The following SLC3A1 variants were observed in gnomAD, a reference collection of about 807,000 sequenced individuals.
The protein encoded by SLC3A1 is amino acid transporter heavy chain SLC3A1.
Under a neutral mutation model 60.3 loss-of-function variants are expected in SLC3A1, and 78 were observed. The observed-to-expected ratio is 1.29, with a 90% CI of 1.08 to 1.56. The LOEUF is 1.56. SLC3A1 is among the 40% of genes most tolerant of loss of function. SLC3A1 has a pLI of 0.00. For missense variants in SLC3A1, 1,172 were observed against 858.9 expected (o/e 1.36, Z -4.56); for synonymous variants, 392 against 307.9 (o/e 1.27, Z -2.86).
At chr2:44,315,451 C>A (rs1233456683) in intron 9 of SLC3A1, among the ~76,000 whole-genome samples, 1 of 150,636 alleles carries the variant, frequency 6.6e-6, no homozygotes, top group Non-Finnish European at 1.5e-5. Flanking sequence ...GAGTTTGAGA[C>A]CAGCCTAGGC....
intron 4 of SLC3A1, among the ~76,000 whole-genome samples, chr2:44,290,519 A>C (rs1671718621): frequency 6.6e-6 from 1 of 152,154 alleles, no homozygotes; most frequent in Non-Finnish European, 1.5e-5. Flanking sequence ...CACTCTGGGG[A>C]ACATAGCCAT....
chr2:44,300,060 T>C lies in SLC3A1; in HGVS notation c.981T>C (p.Asp327=). 1 of 1,612,568 alleles carries C rather than the reference T, an allele frequency of 6.2e-7. No homozygotes were observed. Among genetic ancestry groups the C allele is most frequent in the Non-Finnish European group, 8.5e-7 (1 of 1,178,576 alleles). Residue 327 remains aspartate (D), a synonymous_variant, in exon 5 of 10, where the codon GAT becomes GAC. Transcript: ENST00000260649. ...TCCTAGAAGCAAAGCACCTGAGAGA[T>C]GAGATCCAAGTAAATAAGACCCAAA... is the stretch of plus-strand genomic sequence containing the variant. ...KFLLEAKHLR[D]EIQVNKTQIP...
chr2:44,307,220 C>A (rs80149521), intron 7 of SLC3A1, among the ~76,000 whole-genome samples: 9,642 of 152,146 alleles, frequency 0.063, 783 homozygotes, highest in African/African-American at 0.19. Flanking sequence ...TCCATAAAGC[C>A]CATTTTGTTT....
chr2:44,285,448 T>C lies in SLC3A1; in HGVS notation c.766-584T>C, dbSNP rs1310912534. 3 of 324,266 alleles carry C rather than the reference T, an allele frequency of 9.3e-6. No individual in the cohort carries two copies. The Admixed American group carries it at 1.2e-4, about 13-fold the overall frequency. 20.1% of individuals were successfully genotyped at this position (324,266 alleles called of 1,614,324 possible). On this transcript the variant is annotated intron_variant, in intron 3 of 9. Transcript: ENST00000260649. ...AGATGTGGGAGGGCAGCCGGGAGAG[T>C]CATACCATGGGGCCATAAATGTGAG...
intron 4 of SLC3A1, among the ~76,000 whole-genome samples, chr2:44,298,900 C>T (rs1407282869): frequency 1.3e-5 from 2 of 152,100 alleles, no homozygotes; most frequent in African/African-American, 4.8e-5. Flanking sequence ...GTTTCTAGCA[C>T]ACACCTTTGG....
chr2:44,276,690 C>A (rs1242494293), intron 1 of SLC3A1, among the ~76,000 whole-genome samples: 1 of 151,406 alleles, frequency 6.6e-6, no homozygotes, highest in African/African-American at 2.4e-5. Flanking sequence ...CATAGGGAGA[C>A]CCCGTCTCCA....
At chr2:44,301,738 C>CAA (rs10657360) in intron 6 of SLC3A1, among the ~76,000 whole-genome samples, 56,158 of 92,960 alleles carry the variant, frequency 0.6, 16,490 homozygotes, top group Non-Finnish European at 0.65. Context: ...GACTCCATCA[C>CAA]AAAAAAAAAA....
chr2:44,298,769 C>T (rs185959970), intron 4 of SLC3A1, among the ~76,000 whole-genome samples: 1 of 152,284 alleles, frequency 6.6e-6, no homozygotes, highest in East Asian at 1.9e-4. Context: ...ATGATGCTCT[C>T]AGGAGCAGGT....
At chr2:44,312,914 C>T in intron 8 of SLC3A1, 161 bp downstream of exon 8, 1 of 633,922 alleles carries the variant, frequency 1.6e-6, no homozygotes, top group Non-Finnish European at 2.7e-6. Flanking sequence ...TCTCAGCTTT[C>T]TTGGTGGTCT....
chr2:44,317,973 T>G lies in SLC3A1; in HGVS notation c.1618-2226T>G, dbSNP rs7602693. 5.7e-3 allele frequency: 1,542 copies of G among 272,768 alleles called. 27 individuals carry two copies. Among genetic ancestry groups the G allele is most frequent in the African/African-American group, 0.033 (1,429 of 42,756 alleles). The allele number at this position is 272,768 out of a possible 1,614,324, so 16.9% of individuals were successfully genotyped here. Reference sequence around the variant, plus strand: ...ATATAGCAAGCAAATAATAGAAAGCTTGCAACCCAGCTATAGCTATAAACA... The same window carrying G: ...ATATAGCAAGCAAATAATAGAAAGCGTGCAACCCAGCTATAGCTATAAACA... On this transcript the variant is annotated intron_variant, in intron 9 of 9. Coordinates refer to ENST00000260649, the MANE Select transcript of SLC3A1 (RefSeq NM_000341.4).
rs563175159 is a variant in SLC3A1, at chr2:44,318,356, G to C, written c.1618-1843G>C. ...ATCTGTCTGCCTTGCCTCCCAAAGT[G>C]CTAGGATTACGGGCCTGAGCCACCT... On this transcript the variant is annotated intron_variant, in intron 9 of 9. Transcript: ENST00000260649. The C allele has an allele frequency of 9.7e-5, 18 of 184,920 alleles. No individual in the cohort carries two copies. The East Asian group carries it at 3.0e-3, about 31-fold the overall frequency. The allele number at this position is 184,920 out of a possible 1,614,324, so 11.5% of individuals were successfully genotyped here.
chr2:44,290,056 C>T (rs1010653972), intron 4 of SLC3A1, among the ~76,000 whole-genome samples: 1 of 150,354 alleles, frequency 6.7e-6, no homozygotes, highest in African/African-American at 2.4e-5. Context: ...TTTAGTCTTA[C>T]ATTTTAGATT....
At chr2:44,315,517 AAG>A (rs1423903398) in intron 9 of SLC3A1, among the ~76,000 whole-genome samples, 2 of 151,062 alleles carry the variant, frequency 1.3e-5, no homozygotes, top group Non-Finnish European at 3.0e-5. Context: ...AAAAAAAAAA[AAG>A]GGAAATTAGC....
At chr2:44,300,965 A>T (rs543326295) in intron 5 of SLC3A1, 38 bp from the exon 6 acceptor site, 1 of 1,612,842 alleles carries the variant, frequency 6.2e-7, no homozygotes, top group East Asian at 2.2e-5. Context: ...CATGCAATGT[A>T]TGAAATGAGG....
At chr2:44,304,660 C>T (rs979666366) in intron 7 of SLC3A1, among the ~76,000 whole-genome samples, 2 of 152,034 alleles carry the variant, frequency 1.3e-5, no homozygotes, top group South Asian at 2.1e-4. Flanking sequence ...AAGAGGATTT[C>T]GGGTGTAGAA....
intron 9 of SLC3A1, chr2:44,319,407 T>A (rs958678045): frequency 5.2e-5 from 8 of 152,458 alleles, no homozygotes; most frequent in African/African-American, 1.7e-4. Flanking sequence ...GGAATAAAAA[T>A]ACAAAATATT....
chr2:44,281,650 G>A (rs932210980), intron 3 of SLC3A1, 109 bp downstream of exon 3: 58 of 1,007,864 alleles, frequency 5.8e-5, no homozygotes, highest in African/African-American at 1.6e-4. Context: ...ATAGTTTATC[G>A]GAAGGGGGCA....
rs142020853 is a variant in SLC3A1 at position 44,291,647 on chromosome 2, C to T, written c.891+5490C>T. Among the ~76,000 whole-genome samples, 531 of 152,290 alleles carry T rather than the reference C, an allele frequency of 3.5e-3. 1 individual carries two copies. The highest frequency in any genetic ancestry group is 0.012 in the African/African-American group (502 of 41,542). ...GAGACTTCTGTCACCCTCCTCCCCACCTTACCCCCAGCAGCGCTTGTTTCT... is the reference window on the plus strand; with the variant it reads ...GAGACTTCTGTCACCCTCCTCCCCATCTTACCCCCAGCAGCGCTTGTTTCT... On this transcript the variant is annotated intron_variant, in intron 4 of 9. Transcript: ENST00000260649.
At chr2:44,302,029 T>G (rs1404070622) in intron 6 of SLC3A1, among the ~76,000 whole-genome samples, 1 of 152,216 alleles carries the variant, frequency 6.6e-6, no homozygotes, top group Non-Finnish European at 1.5e-5. Flanking sequence ...TGCTCCAGTC[T>G]GGGCAACAGA....
Sources: allele counts gnomAD v4.1 joint callset (sites outside exome capture counted in the v4.1 genomes callset), GRCh38; gene constraint gnomAD v4.1.1; transcripts MANE v1.5; gene names NCBI Gene and HGNC (gene_info 2026-07-23, HGNC 2026-07-21).